The following LRP1B variants were observed in gnomAD, a reference collection of about 807,000 sequenced individuals.
LRP1B encodes the protein LDL receptor related protein 1B.
A neutral mutation model predicts 556.6 loss-of-function variants in LRP1B; 217 were observed. The ratio of observed to expected loss-of-function variants is 0.39; its 90% confidence interval spans 0.35 to 0.44. The LOEUF (loss-of-function observed/expected upper bound fraction) is 0.44. Ranked by LOEUF, LRP1B falls within the 20% of genes least tolerant of loss-of-function variation. The pLI, the probability that LRP1B is intolerant of heterozygous loss-of-function variation, is 1.00. For synonymous variants in LRP1B, 2,047 were observed against 1,865.8 expected, an observed-to-expected ratio of 1.10 and a Z score of -2.50; for missense variants, 5,053 against 5,620.8, an observed-to-expected ratio of 0.90 and a Z score of 3.23.
chr2:140,908,982 A>G (rs1012942928), intron 21 of LRP1B, among the ~76,000 whole-genome samples: 7 of 152,090 alleles, frequency 4.6e-5, no homozygotes, highest in African/African-American at 1.7e-4. Context: ...TATTTTTAGT[A>G]GAGATGGGGT....
chr2:140,670,772 T>C (rs1473262244), intron 41 of LRP1B, among the ~76,000 whole-genome samples: 1 of 152,226 alleles, frequency 6.6e-6, no homozygotes, highest in Non-Finnish European at 1.5e-5. Context: ...ATATTACTTT[T>C]GTGCAGAATA....
chr2:141,726,411 A>G (rs533920133), intron 2 of LRP1B, among the ~76,000 whole-genome samples: 31 of 152,042 alleles, frequency 2.0e-4, no homozygotes, highest in African/African-American at 6.7e-4. Flanking sequence ...TCTTTCTAAA[A>G]TCGGGCTTCT....
intron 77 of LRP1B, among the ~76,000 whole-genome samples, chr2:140,346,348 A>G (rs1364623095): frequency 1.3e-5 from 2 of 151,858 alleles, no homozygotes; most frequent in Non-Finnish European, 2.9e-5. Flanking sequence ...CCATTATAGC[A>G]AAGTGTCAAA....
intron 9 of LRP1B, among the ~76,000 whole-genome samples, chr2:141,057,404 T>G (rs1381737268): frequency 6.6e-6 from 1 of 151,846 alleles, no homozygotes; most frequent in Non-Finnish European, 1.5e-5. Context: ...CCTCATGGCT[T>G]TTGTGCTTGT....
chr2:141,477,590 C>T (rs1682759823), intron 3 of LRP1B, among the ~76,000 whole-genome samples: 1 of 152,058 alleles, frequency 6.6e-6, no homozygotes, highest in South Asian at 2.1e-4. Context: ...TAATGTTGCC[C>T]AGTGATTTGG....
chr2:141,414,140 G>T (rs1690978591), intron 3 of LRP1B, among the ~76,000 whole-genome samples: 1 of 151,538 alleles, frequency 6.6e-6, no homozygotes, highest in African/African-American at 2.4e-5. Context: ...GGGAGACTGA[G>T]GCAGGAGAAT....
chr2:140,864,888 A>T, intron 27 of LRP1B, among the ~76,000 whole-genome samples: 1 of 152,176 alleles, frequency 6.6e-6, no homozygotes, highest in Admixed American at 6.6e-5. Context: ...AATGTCCAAT[A>T]ACACATTAAT....
At chr2:141,463,410 A>T (rs1337332869) in intron 3 of LRP1B, among the ~76,000 whole-genome samples, 1 of 151,124 alleles carries the variant, frequency 6.6e-6, no homozygotes, top group Non-Finnish European at 1.5e-5. Flanking sequence ...CTATTGAAGA[A>T]AAAGGGAGAA....
chr2:140,466,270 TC>T (rs1053390478), intron 60 of LRP1B, among the ~76,000 whole-genome samples: 1 of 152,098 alleles, frequency 6.6e-6, no homozygotes, highest in African/African-American at 2.4e-5. Flanking sequence ...CAGAACAAAT[TC>T]TTAAAACATA....
intron 29 of LRP1B, among the ~76,000 whole-genome samples, chr2:140,848,367 AT>A (rs1460197394): frequency 6.6e-6 from 1 of 152,210 alleles, no homozygotes; most frequent in East Asian, 1.9e-4. Flanking sequence ...CGAAATAAAT[AT>A]TTGAACAAGC....
intron 1 of LRP1B, among the ~76,000 whole-genome samples, chr2:142,028,241 C>G (rs1328443710): frequency 6.6e-6 from 1 of 151,950 alleles, no homozygotes; most frequent in East Asian, 1.9e-4. Flanking sequence ...GTCTGTGAGT[C>G]TGACAAATGC....
intron 2 of LRP1B, among the ~76,000 whole-genome samples, chr2:141,718,506 A>C (rs1034438573): frequency 6.6e-6 from 1 of 152,190 alleles, no homozygotes; most frequent in African/African-American, 2.4e-5. Context: ...ATATTTAAAA[A>C]ACAAGTGAAG....
intron 66 of LRP1B, among the ~76,000 whole-genome samples, chr2:140,418,980 C>T (rs1312353762): frequency 1.3e-5 from 2 of 152,038 alleles, no homozygotes; most frequent in Non-Finnish European, 2.9e-5. Context: ...TAAAATAACC[C>T]ATTCAAACCT....
chr2:141,358,600 C>T (rs776762462), intron 3 of LRP1B, among the ~76,000 whole-genome samples: 8 of 152,186 alleles, frequency 5.3e-5, no homozygotes, highest in Non-Finnish European at 1.2e-4. Context: ...AATCAGAAAC[C>T]GGCTGCCAAG....
chr2:141,347,327 A>T (rs1688289192), intron 3 of LRP1B, among the ~76,000 whole-genome samples: 1 of 152,178 alleles, frequency 6.6e-6, no homozygotes, highest in East Asian at 1.9e-4. Flanking sequence ...AATCAATAGA[A>T]ATCAAACTTT....
intron 6 of LRP1B, among the ~76,000 whole-genome samples, chr2:141,202,496 C>T (rs988765765): frequency 6.6e-6 from 1 of 152,152 alleles, no homozygotes; most frequent in Non-Finnish European, 1.5e-5. Context: ...TGCCACATTG[C>T]TTTCCACAAT....
rs75614752 is a variant in LRP1B, at chr2:141,546,492, A to G, written c.206-65959T>C. ...ATCTTCTCGTCTCCTCTATTCATCT[A>G]TTGTTCCACCAATTTCTTCCTCTTC... On this transcript the variant is annotated intron_variant, in intron 2 of 90. Transcript: ENST00000389484. Among the ~76,000 whole-genome samples the G allele has an allele frequency of 3.5e-3, 526 of 152,080 alleles. 4 individuals are homozygous for G. Among genetic ancestry groups the G allele is most frequent in the African/African-American group, 0.012 (503 of 41,506 alleles).
intron 11 of LRP1B, among the ~76,000 whole-genome samples, chr2:141,039,279 A>G (rs888504003): frequency 3.3e-5 from 5 of 152,102 alleles, no homozygotes; most frequent in Admixed American, 2.6e-4. Context: ...GACAGAGACT[A>G]CATGCACATA....
At chr2:140,497,562 A>G (rs1006752165) in intron 55 of LRP1B, among the ~76,000 whole-genome samples, 1 of 151,962 alleles carries the variant, frequency 6.6e-6, no homozygotes, top group African/African-American at 2.4e-5. Context: ...GTAATCCCAG[A>G]TTGGCCTAAA....
Sources: allele counts gnomAD v4.1 joint callset (sites outside exome capture counted in the v4.1 genomes callset), GRCh38; gene constraint gnomAD v4.1.1; transcripts MANE v1.5; gene names NCBI Gene and HGNC (gene_info 2026-07-23, HGNC 2026-07-21).